Variants in MTSS1 observed in about 807,000 individuals in gnomAD.
MTSS1 encodes the protein protein MTSS 1.
A neutral mutation model predicts 79.0 loss-of-function variants in MTSS1; 18 were observed. The ratio of observed to expected loss-of-function variants is 0.23; its 90% CI spans 0.16 to 0.34. MTSS1 has a LOEUF of 0.34. Among genes scored for constraint, MTSS1 ranks in the 10% least tolerant of loss-of-function variants. The pLI is 1.00. For missense variants in MTSS1, 815 were observed against 986.2 expected (o/e 0.83, Z 2.33); for synonymous variants, 341 against 368.6 (o/e 0.93, Z 0.86).
At chr8:124,712,337 C>A (rs1298859369) in intron 1 of MTSS1, among the ~76,000 whole-genome samples, 1 of 152,170 alleles carries the variant, frequency 6.6e-6, no homozygotes, top group East Asian at 1.9e-4. Context: ...GCTGGGTATA[C>A]CCTGGATGAG....
rs1445282297 is a variant in MTSS1, at chr8:124,685,647, T to C, written c.208+13879A>G. 3.3e-5 allele frequency among the ~76,000 whole-genome samples: 5 copies of C among 151,856 alleles called. No individual in the cohort carries two copies. The East Asian group carries it at 9.6e-4, about 29-fold the overall frequency. ...ACATATTCAACACACCTGGGGCATG[T>C]ACTGGGGAGACAGCCAAAAACCCCA... On this transcript the variant is annotated intron_variant, in intron 3 of 13. Transcript: ENST00000518547.
At chr8:124,640,628 C>T (rs1486632776) in intron 3 of MTSS1, among the ~76,000 whole-genome samples, 1 of 152,228 alleles carries the variant, frequency 6.6e-6, no homozygotes, top group Non-Finnish European at 1.5e-5. Flanking sequence ...ACTGCAACCT[C>T]CGCCTTCTGG....
intron 1 of MTSS1, among the ~76,000 whole-genome samples, chr8:124,707,354 C>T (rs1830515394): frequency 6.6e-6 from 1 of 151,600 alleles, no homozygotes; most frequent in South Asian, 2.1e-4. Flanking sequence ...CAAGACCAGC[C>T]CAGACAACAT....
At chr8:124,626,535 T>C (rs907915666) in intron 3 of MTSS1, among the ~76,000 whole-genome samples, 21 of 152,020 alleles carry the variant, frequency 1.4e-4, no homozygotes, top group African/African-American at 3.9e-4. Context: ...AAAAGGATTT[T>C]GAGAAACATT....
intron 3 of MTSS1, among the ~76,000 whole-genome samples, chr8:124,654,604 AG>A (rs1348443918): frequency 2.0e-5 from 3 of 152,200 alleles, no homozygotes; most frequent in Non-Finnish European, 4.4e-5. Flanking sequence ...CCTTATGCCA[AG>A]AACACCAGGA....
chr8:124,719,137 C>T (rs1399777573), intron 1 of MTSS1, among the ~76,000 whole-genome samples: 1 of 152,170 alleles, frequency 6.6e-6, no homozygotes, highest in East Asian at 1.9e-4. Context: ...AGCCAGACTG[C>T]CTGGACTCAA....
chr8:124,634,285 TGTTGTTGTTG>T (rs1816594890), intron 3 of MTSS1, among the ~76,000 whole-genome samples: 1 of 145,426 alleles, frequency 6.9e-6, no homozygotes, highest in African/African-American at 2.7e-5. Context: ...AGTTTTTTTT[TGTTGTTGTTG>T]TTGTTTTGTA....
At chr8:124,592,990 A>G (rs1296109007) in intron 3 of MTSS1, among the ~76,000 whole-genome samples, 1 of 152,226 alleles carries the variant, frequency 6.6e-6, no homozygotes. Flanking sequence ...GCGAGGGCCA[A>G]GTGTTGCCCG....
At chr8:124,710,492 G>A (rs997404109) in intron 1 of MTSS1, among the ~76,000 whole-genome samples, 5 of 152,220 alleles carry the variant, frequency 3.3e-5, no homozygotes, top group Admixed American at 2.0e-4. Context: ...AGACACCGCC[G>A]AGTGCCTCTC....
chr8:124,691,643 G>C (rs1402019595), intron 3 of MTSS1, among the ~76,000 whole-genome samples: 2 of 151,994 alleles, frequency 1.3e-5, no homozygotes, highest in Non-Finnish European at 2.9e-5. Context: ...AGCCTCCCAA[G>C]TAGCTGGGAC....
intron 3 of MTSS1, among the ~76,000 whole-genome samples, chr8:124,667,604 ATTG>A (rs1823338360): frequency 6.6e-6 from 1 of 152,130 alleles, no homozygotes; most frequent in Non-Finnish European, 1.5e-5. Context: ...AGATCACACC[ATTG>A]CACTCCAGCC....
At chr8:124,656,105 T>G (rs1038904926) in intron 3 of MTSS1, among the ~76,000 whole-genome samples, 2 of 152,252 alleles carry the variant, frequency 1.3e-5, no homozygotes, top group Non-Finnish European at 2.9e-5. Flanking sequence ...TTTCATGCAC[T>G]ATTGAATTTC....
At chr8:124,720,926 C>T (rs918178892) in intron 1 of MTSS1, among the ~76,000 whole-genome samples, 10 of 152,128 alleles carry the variant, frequency 6.6e-5, no homozygotes, top group Non-Finnish European at 1.3e-4. Flanking sequence ...ACCCATTTTG[C>T]GGAAGAGGAA....
intron 1 of MTSS1, among the ~76,000 whole-genome samples, chr8:124,707,073 C>T (rs910737893): frequency 6.6e-6 from 1 of 152,108 alleles, no homozygotes; most frequent in African/African-American, 2.4e-5. Context: ...CGATGAAAAG[C>T]TTTCTGAGAA....
chr8:124,634,207 G>T (rs111371901), intron 3 of MTSS1, among the ~76,000 whole-genome samples: 4,111 of 151,434 alleles, frequency 0.027, 160 homozygotes, highest in African/African-American at 0.094. Context: ...CCTCCTGGGC[G>T]CAAGCAATCC....
At chr8:124,652,623 C>T (rs190237102) in intron 3 of MTSS1, among the ~76,000 whole-genome samples, 2 of 151,944 alleles carry the variant, frequency 1.3e-5, no homozygotes, top group South Asian at 2.1e-4. Flanking sequence ...GGTGAAACCC[C>T]GTCTCTACTA....
At chr8:124,670,491 C>T (rs575426744) in intron 3 of MTSS1, among the ~76,000 whole-genome samples, 1 of 151,326 alleles carries the variant, frequency 6.6e-6, no homozygotes, top group East Asian at 1.9e-4. Flanking sequence ...GTCGTACTTG[C>T]AAAGGAGTCT....
Position 124,704,200 on chromosome 8 carries a change from C to A in MTSS1, c.73-9G>T, listed in dbSNP as rs1252574095. On this transcript the variant is annotated splice_polypyrimidine_tract_variant and intron_variant, in intron 1 of 13. Transcript: ENST00000518547. ...CAAACTGGATAGCTCCCCTGCAACA[C>A]ATCAAAGACATCAGTAAGTCACACT... is the stretch of plus-strand genomic sequence containing the variant. The A allele has an allele frequency of 6.2e-7, 1 of 1,613,046 alleles. No homozygotes were observed. The highest frequency in any genetic ancestry group is 2.2e-5 in the East Asian group (1 of 44,882).
chr8:124,670,745 C>T (rs1370840231), intron 3 of MTSS1, among the ~76,000 whole-genome samples: 1 of 152,132 alleles, frequency 6.6e-6, no homozygotes, highest in East Asian at 1.9e-4. Flanking sequence ...GAGCTCCTGG[C>T]TCTTAATTAC....
Sources: allele counts gnomAD v4.1 joint callset (sites outside exome capture counted in the v4.1 genomes callset), GRCh38; gene constraint gnomAD v4.1.1; transcripts MANE v1.5; gene names NCBI Gene and HGNC (gene_info 2026-07-23, HGNC 2026-07-21).